The following TRPM3 variants were observed in gnomAD, a reference collection of about 807,000 sequenced individuals.
The protein encoded by TRPM3 is transient receptor potential cation channel subfamily M member 3.
A neutral mutation model predicts 181.2 loss-of-function variants in TRPM3; 77 were observed. The observed-to-expected ratio is 0.42, with a 90% confidence interval of 0.35 to 0.51. The LOEUF is 0.51. Ranked by LOEUF, TRPM3 falls within the 20% of genes least tolerant of loss-of-function variation. The pLI is 0.01. For missense variants in TRPM3, 1,759 were observed against 2,196.7 expected (o/e 0.80, Z 3.98); for synonymous variants, 745 against 796.4 (o/e 0.94, Z 1.09).
chr9:70,862,144 T>A (rs1331178718), intron 3 of TRPM3, among the ~76,000 whole-genome samples: 1 of 152,094 alleles, frequency 6.6e-6, no homozygotes, highest in Non-Finnish European at 1.5e-5. Flanking sequence ...CATCTCCTGC[T>A]CCACCCTCAG....
chr9:71,404,301 G>T (rs751796830), intron 1 of TRPM3, among the ~76,000 whole-genome samples: 8 of 152,164 alleles, frequency 5.3e-5, no homozygotes. Context: ...ATAATTGCTT[G>T]TTACATTAAT....
intron 9 of TRPM3, among the ~76,000 whole-genome samples, chr9:70,669,722 TTTTCTTTCTTTC>T (rs565129714): frequency 6.6e-6 from 1 of 150,710 alleles, no homozygotes; most frequent in Non-Finnish European, 1.5e-5. Flanking sequence ...TTTTCTTTTC[TTTTCTTTCTTTC>T]TTTCTTTCTT....
chr9:71,429,380 T>C (rs1269264319), intron 1 of TRPM3, among the ~76,000 whole-genome samples: 2 of 152,222 alleles, frequency 1.3e-5, no homozygotes, highest in African/African-American at 2.4e-5. Flanking sequence ...GCAAGTTATT[T>C]AATATCTCTG....
intron 1 of TRPM3, among the ~76,000 whole-genome samples, chr9:70,866,859 G>A (rs1038848589): frequency 1.3e-5 from 2 of 152,010 alleles, no homozygotes; most frequent in African/African-American, 4.8e-5. Flanking sequence ...CATTTTTCCA[G>A]TGAAGAAATT....
intron 1 of TRPM3, among the ~76,000 whole-genome samples, chr9:71,134,233 T>C (rs1463680102): frequency 6.6e-6 from 1 of 152,156 alleles, no homozygotes; most frequent in Non-Finnish European, 1.5e-5. Context: ...CAATTTGTTC[T>C]AAATGAGGCC....
At chr9:71,057,568 G>A (rs2060808031) in intron 1 of TRPM3, among the ~76,000 whole-genome samples, 1 of 152,000 alleles carries the variant, frequency 6.6e-6, no homozygotes, top group African/African-American at 2.4e-5. Context: ...GAGTGCCTAT[G>A]ATGTGTCTGG....
At chr9:70,573,299 G>C (rs2052955793) in intron 22 of TRPM3, among the ~76,000 whole-genome samples, 1 of 152,150 alleles carries the variant, frequency 6.6e-6, no homozygotes, top group Non-Finnish European at 1.5e-5. Context: ...AAGTTCCAAA[G>C]CAAACAAAAT....
intron 8 of TRPM3, among the ~76,000 whole-genome samples, chr9:70,694,503 C>T (rs1004267092): frequency 1.3e-5 from 2 of 151,914 alleles, no homozygotes; most frequent in Non-Finnish European, 2.9e-5. Context: ...TTTTTTGAGA[C>T]GGAGTCTTGC....
intron 1 of TRPM3, among the ~76,000 whole-genome samples, chr9:70,884,673 T>A (rs1285445966): frequency 6.6e-6 from 1 of 152,212 alleles, no homozygotes. Flanking sequence ...ACATCCTAAA[T>A]GTGTTTGGTT....
intron 6 of TRPM3, among the ~76,000 whole-genome samples, chr9:70,812,555 C>T (rs1013837634): frequency 1.3e-5 from 2 of 152,076 alleles, no homozygotes; most frequent in African/African-American, 2.4e-5. Context: ...GACATAAATT[C>T]GGCTTTTAAG....
intron 3 of TRPM3, among the ~76,000 whole-genome samples, chr9:70,856,019 A>G (rs2095377394): frequency 6.6e-6 from 1 of 152,178 alleles, no homozygotes; most frequent in Non-Finnish European, 1.5e-5. Flanking sequence ...GATATCAGGT[A>G]CTTACAGGGG....
intron 1 of TRPM3, among the ~76,000 whole-genome samples, chr9:71,043,740 AG>A (rs1378932821): frequency 1.3e-5 from 2 of 152,226 alleles, no homozygotes; most frequent in Non-Finnish European, 1.5e-5. Context: ...CTGTGAAATC[AG>A]AATCTTGGGG....
chr9:71,359,324 T>C (rs1049470858), intron 1 of TRPM3, among the ~76,000 whole-genome samples: 3 of 152,236 alleles, frequency 2.0e-5, no homozygotes, highest in Non-Finnish European at 4.4e-5. Context: ...TGTTCACACA[T>C]GTGTGCAATA....
intron 3 of TRPM3, among the ~76,000 whole-genome samples, chr9:70,854,698 C>T (rs1240190378): frequency 6.6e-6 from 1 of 152,092 alleles, no homozygotes; most frequent in East Asian, 1.9e-4. Flanking sequence ...AAACTGGGCT[C>T]GAATAAGTTA....
At chr9:71,413,594 T>C (rs947322135) in intron 1 of TRPM3, among the ~76,000 whole-genome samples, 4 of 152,250 alleles carry the variant, frequency 2.6e-5, no homozygotes. Flanking sequence ...AAAATTCATG[T>C]ATTAGAAACT....
intron 1 of TRPM3, among the ~76,000 whole-genome samples, chr9:71,098,553 T>G (rs190774361): frequency 6.6e-6 from 1 of 152,286 alleles, no homozygotes. Context: ...CAAGCTTTGT[T>G]AAACAGATCA....
At chr9:71,360,667 A>C (rs963610566) in intron 1 of TRPM3, among the ~76,000 whole-genome samples, 3 of 152,224 alleles carry the variant, frequency 2.0e-5, no homozygotes, top group Non-Finnish European at 4.4e-5. Flanking sequence ...TCTTAGAGGC[A>C]GTCTCTGATT....
chr9:70,586,174 G>A (rs771176687), intron 22 of TRPM3, among the ~76,000 whole-genome samples: 1 of 152,070 alleles, frequency 6.6e-6, no homozygotes, highest in African/African-American at 2.4e-5. Flanking sequence ...CACATGTATC[G>A]TCAATGGCAG....
chr9:71,069,586 T>C (rs2062430421), intron 1 of TRPM3, among the ~76,000 whole-genome samples: 3 of 151,308 alleles, frequency 2.0e-5, no homozygotes, highest in African/African-American at 4.9e-5. Context: ...TAGGAGGGCC[T>C]GTATGCCAAA....
Sources: allele counts gnomAD v4.1 joint callset (sites outside exome capture counted in the v4.1 genomes callset), GRCh38; gene constraint gnomAD v4.1.1; transcripts MANE v1.5; gene names NCBI Gene and HGNC (gene_info 2026-07-23, HGNC 2026-07-21).